Variants in STARD13 observed in about 807,000 individuals in gnomAD.
The protein encoded by STARD13 is StAR related lipid transfer domain containing 13.
A neutral mutation model predicts 106.4 loss-of-function variants in STARD13; 62 were observed. The observed-to-expected ratio is 0.58, with a 90% CI of 0.48 to 0.72. The LOEUF (loss-of-function observed/expected upper bound fraction) is 0.72, where lower values mean the gene tolerates loss of function less well. STARD13 is among the 30% of genes least tolerant of loss of function. The pLI, the probability that STARD13 is intolerant of heterozygous loss-of-function variation, is 0.00. For synonymous variants in STARD13, 565 were observed against 553.0 expected, an observed-to-expected ratio of 1.02 and a Z score of -0.31; for missense variants, 1,387 against 1,424.0, an observed-to-expected ratio of 0.97 and a Z score of 0.42.
the STARD13 span, among the ~76,000 whole-genome samples, chr13:33,674,149 C>A: frequency 6.6e-6 from 1 of 152,170 alleles, no homozygotes. Context: ...CGTGAGCCAC[C>A]GCACCAGGCC....
the STARD13 span, among the ~76,000 whole-genome samples, chr13:33,622,504 T>C: frequency 6.8e-6 from 1 of 147,744 alleles, no homozygotes; most frequent in Non-Finnish European, 1.5e-5. Context: ...TCGGGCGTAC[T>C]AGCAGGCGCC....
chr13:33,412,960 AATTAAT>A, the STARD13 span, among the ~76,000 whole-genome samples: 1 of 152,228 alleles, frequency 6.6e-6, no homozygotes, highest in South Asian at 2.1e-4. Flanking sequence ...AATAGCATAT[AATTAAT>A]ATTTATAGAA....
the STARD13 span, among the ~76,000 whole-genome samples, chr13:33,431,468 T>C: frequency 1.3e-5 from 2 of 152,250 alleles, no homozygotes; most frequent in African/African-American, 4.8e-5. Flanking sequence ...GACTCACATT[T>C]GTAGCTCACA....
the STARD13 span, among the ~76,000 whole-genome samples, chr13:33,427,400 G>A: frequency 5.9e-5 from 9 of 152,156 alleles, no homozygotes; most frequent in Admixed American, 1.3e-4. Context: ...CAATAAATCC[G>A]TTAAGGAAAC....
chr13:33,539,844 G>C, the STARD13 span, among the ~76,000 whole-genome samples: 1 of 152,092 alleles, frequency 6.6e-6, no homozygotes, highest in Non-Finnish European at 1.5e-5. Context: ...ACAAACAAAA[G>C]CTGCTCTTTA....
intron 1 of STARD13, chr13:33,349,254 G>A (rs1327609862): frequency 2.8e-6 from 2 of 702,236 alleles, no homozygotes; most frequent in Admixed American, 2.0e-5. Flanking sequence ...CCAGAGACTT[G>A]CCTCAGGGTC....
At chr13:33,528,261 T>TAC in the STARD13 span, among the ~76,000 whole-genome samples, 2 of 128,282 alleles carry the variant, frequency 1.6e-5, no homozygotes, top group South Asian at 2.3e-4. Context: ...TATATACATA[T>TAC]ATATATATAT....
chr13:33,126,554 G>A (rs1447145630), intron 6 of STARD13, among the ~76,000 whole-genome samples: 3 of 152,118 alleles, frequency 2.0e-5, no homozygotes, highest in Non-Finnish European at 2.9e-5. Flanking sequence ...ACACTTAAAA[G>A]TCCCCAACAA....
intron 1 of STARD13, among the ~76,000 whole-genome samples, chr13:33,199,583 C>G (rs1886869379): frequency 6.6e-6 from 1 of 152,240 alleles, no homozygotes; most frequent in Non-Finnish European, 1.5e-5. Context: ...TTCTGCTCTG[C>G]TAGAATGCCT....
At chr13:33,510,734 A>G in the STARD13 span, among the ~76,000 whole-genome samples, 1 of 152,140 alleles carries the variant, frequency 6.6e-6, no homozygotes, top group Admixed American at 6.5e-5. Context: ...TTGTGGGGAG[A>G]GCCTGCCCAA....
the STARD13 span, among the ~76,000 whole-genome samples, chr13:33,466,579 A>G: frequency 6.6e-6 from 1 of 152,226 alleles, no homozygotes; most frequent in Non-Finnish European, 1.5e-5. Flanking sequence ...TCAGACTTAC[A>G]TCCTCAATAT....
rs560890134 is a variant in STARD13, at chr13:33,337,013, T to C, written c.124+13277A>G. ...TTTTTAAACAAAAGAAATATATATA[T>C]ACATATATGTGTGTATATTTTACAA... On this transcript the variant is annotated intron_variant, in intron 1 of 5. Transcript: ENST00000567873. Among the ~76,000 whole-genome samples, 186 of 152,090 alleles carry C rather than the reference T, an allele frequency of 1.2e-3. 1 individual carries two copies. Among genetic ancestry groups the C allele is most frequent in the African/African-American group, 4.1e-3 (171 of 41,530 alleles).
At chr13:33,297,157 G>A (rs59261285) in intron 1 of STARD13, among the ~76,000 whole-genome samples, 1,853 of 152,306 alleles carry the variant, frequency 0.012, 36 homozygotes, top group African/African-American at 0.042. Flanking sequence ...ATCACAGCAC[G>A]CAGTGGCCTC....
chr13:33,445,109 C>G, the STARD13 span, among the ~76,000 whole-genome samples: 13,265 of 152,076 alleles, frequency 0.087, 645 homozygotes, highest in East Asian at 0.14. Context: ...AATGATCAAT[C>G]AAGTCAATGA....
chr13:33,308,520 C>CTTTCT (rs1893003354), intron 1 of STARD13, among the ~76,000 whole-genome samples: 8 of 88,588 alleles, frequency 9.0e-5, no homozygotes, highest in African/African-American at 2.6e-4. Flanking sequence ...CTTTTTCTTT[C>CTTTCT]TTTTTTTTTT....
At chr13:33,111,674 A>G (rs1295030264) in intron 10 of STARD13, 104 bp downstream of exon 10, 7 of 729,164 alleles carry the variant, frequency 9.6e-6, no homozygotes, top group Non-Finnish European at 1.4e-5. Flanking sequence ...TTGTCATAAA[A>G]TCAGGAACAA....
chr13:33,369,790 G>A, the STARD13 span, among the ~76,000 whole-genome samples: 2 of 152,042 alleles, frequency 1.3e-5, no homozygotes, highest in African/African-American at 4.8e-5. Context: ...ATCATTAATG[G>A]AATAGAAAAT....
chr13:33,523,198 TG>T, the STARD13 span, among the ~76,000 whole-genome samples: 1 of 152,114 alleles, frequency 6.6e-6, no homozygotes, highest in South Asian at 2.1e-4. Flanking sequence ...AGGAAGAAAT[TG>T]GGTATTTATT....
intron 1 of STARD13, among the ~76,000 whole-genome samples, chr13:33,194,293 G>T (rs890753847): frequency 1.1e-4 from 17 of 152,174 alleles, no homozygotes; most frequent in African/African-American, 3.9e-4. Context: ...TAAAAATTGT[G>T]TATTAAATGA....
Sources: gnomAD v4.1 joint callset for allele counts (sites outside exome capture counted in the v4.1 genomes callset) on GRCh38, gnomAD v4.1.1 for gene constraint, MANE v1.5 for transcripts, NCBI Gene and HGNC (gene_info 2026-07-23, HGNC 2026-07-21) for gene names.